The following FBXL17 variants were observed in gnomAD, a reference collection of about 807,000 sequenced individuals.
FBXL17 encodes F-box/LRR-repeat protein 17.
FBXL17 carries 22 observed loss-of-function variants against 66.2 expected under a neutral mutation model. That is an observed-to-expected ratio of 0.33 (90% CI 0.24 to 0.47). The LOEUF (loss-of-function observed/expected upper bound fraction) is 0.47. Ranked by LOEUF, FBXL17 falls within the 20% of genes least tolerant of loss-of-function variation. The pLI, the probability that FBXL17 is intolerant of heterozygous loss-of-function variation, is 1.00. For missense variants in FBXL17, 878 were observed against 948.2 expected, an observed-to-expected ratio of 0.93 and a Z score of 0.97; for synonymous variants, 474 against 400.5, an observed-to-expected ratio of 1.18 and a Z score of -2.19.
intron 4 of FBXL17, among the ~76,000 whole-genome samples, chr5:108,239,854 T>C (rs1356846262): frequency 1.3e-5 from 2 of 151,884 alleles, no homozygotes; most frequent in African/African-American, 2.4e-5. Flanking sequence ...GTCTTGCAAT[T>C]TGAGTACCAG....
chr5:108,171,306 T>C (rs1221786304), intron 6 of FBXL17, among the ~76,000 whole-genome samples: 1 of 152,192 alleles, frequency 6.6e-6, no homozygotes, highest in African/African-American at 2.4e-5. Context: ...ATTTTTAAAT[T>C]CAGAATAAGG....
intron 7 of FBXL17, among the ~76,000 whole-genome samples, chr5:107,961,160 C>T (rs1026064510): frequency 6.6e-6 from 1 of 151,964 alleles, no homozygotes; most frequent in Non-Finnish European, 1.5e-5. Flanking sequence ...ACTTTAGGTG[C>T]TGTCAGCTGC....
chr5:108,354,491 G>A (rs573688086), intron 3 of FBXL17, among the ~76,000 whole-genome samples: 1 of 151,698 alleles, frequency 6.6e-6, no homozygotes, highest in Non-Finnish European at 1.5e-5. Flanking sequence ...AAGAACCACA[G>A]AACAACTACA....
intron 7 of FBXL17, among the ~76,000 whole-genome samples, chr5:107,901,969 C>A (rs1357375442): frequency 2.0e-5 from 3 of 152,156 alleles, no homozygotes; most frequent in Non-Finnish European, 4.4e-5. Context: ...ATCTTGAATT[C>A]TTCAAGAGAG....
At chr5:108,287,638 CA>C (rs1164614196) in intron 4 of FBXL17, among the ~76,000 whole-genome samples, 1 of 151,674 alleles carries the variant, frequency 6.6e-6, no homozygotes, top group Non-Finnish European at 1.5e-5. Flanking sequence ...AGGCTGCAGA[CA>C]AAGGGGAATG....
intron 8 of FBXL17, among the ~76,000 whole-genome samples, chr5:107,862,486 GC>G (rs1188775594): frequency 6.6e-6 from 1 of 152,098 alleles, no homozygotes; most frequent in Non-Finnish European, 1.5e-5. Flanking sequence ...AATCAGACAG[GC>G]CTAATTAAAA....
rs576182199 is a variant in FBXL17, at chr5:108,174,360, A to G, written c.1745+11757T>C. Among the ~76,000 whole-genome samples, 151 of 152,310 alleles carry G rather than the reference A, an allele frequency of 9.9e-4. 1 individual carries two copies. The highest frequency in any genetic ancestry group is 3.5e-3 in the African/African-American group (147 of 41,562). On this transcript the variant is annotated intron_variant, in intron 6 of 8. Coordinates refer to ENST00000542267, the MANE Select transcript of FBXL17 (RefSeq NM_001163315.3). ...ATAGTGACTATTCTAACATTTTTTAATTATATTGCTCACTAATCTTAATTG... is the reference window on the plus strand; with the variant it reads ...ATAGTGACTATTCTAACATTTTTTAGTTATATTGCTCACTAATCTTAATTG...
intron 7 of FBXL17, among the ~76,000 whole-genome samples, chr5:107,953,280 T>G (rs1436589455): frequency 6.6e-6 from 1 of 151,386 alleles, no homozygotes; most frequent in East Asian, 2.0e-4. Context: ...GGCGGGCGCC[T>G]TAGTCCCAGC....
intron 6 of FBXL17, among the ~76,000 whole-genome samples, chr5:108,124,651 A>G (rs1231631002): frequency 1.3e-5 from 2 of 152,086 alleles, no homozygotes; most frequent in South Asian, 2.1e-4. Context: ...ATACCTGTAC[A>G]TTGAAAATAT....
chr5:108,154,616 T>TATAC (rs1554070064), intron 6 of FBXL17, among the ~76,000 whole-genome samples: 10,914 of 96,036 alleles, frequency 0.11, 907 homozygotes, highest in East Asian at 0.21. Flanking sequence ...AATATATATA[T>TATAC]ACACACACAC....
At chr5:108,105,302 A>G (rs2149945535) in intron 6 of FBXL17, among the ~76,000 whole-genome samples, 1 of 152,346 alleles carries the variant, frequency 6.6e-6, no homozygotes, top group East Asian at 1.9e-4. Flanking sequence ...CCAGTGGCAC[A>G]AAGAGGGAAA....
chr5:107,953,510 C>G (rs568093361), intron 7 of FBXL17, among the ~76,000 whole-genome samples: 1 of 150,968 alleles, frequency 6.6e-6, no homozygotes, highest in East Asian at 2.0e-4. Context: ...GTCTCCAAAA[C>G]TCCAGTTATG....
In FBXL17 at chr5:108,317,860, GAATC is replaced by G. The variant is rs375007304; in HGVS notation, c.1506+30535_1506+30538del. 2.7e-3 allele frequency among the ~76,000 whole-genome samples: 403 copies of G among 151,472 alleles called. 3 individuals carry two copies. Among genetic ancestry groups the G allele is most frequent in the African/African-American group, 9.3e-3 (385 of 41,426 alleles). On this transcript the variant is annotated intron_variant, in intron 4 of 8. Transcript: ENST00000542267. ...AAAAGGATTTAAAATCATACATAAT[GAATC>G]AATCATTCACTATGTATCTGCAAAT...
chr5:108,302,635 A>T (rs1287399558), intron 4 of FBXL17, among the ~76,000 whole-genome samples: 1 of 151,790 alleles, frequency 6.6e-6, no homozygotes, highest in Non-Finnish European at 1.5e-5. Flanking sequence ...TAATTTTACT[A>T]TATTTAAATA....
intron 7 of FBXL17, among the ~76,000 whole-genome samples, chr5:107,904,024 G>C (rs1316149151): frequency 6.6e-6 from 1 of 152,092 alleles, no homozygotes; most frequent in Non-Finnish European, 1.5e-5. Flanking sequence ...TTTTGACTTT[G>C]ATATCTGCAT....
intron 8 of FBXL17, among the ~76,000 whole-genome samples, chr5:107,863,848 C>T (rs923439043): frequency 2.0e-5 from 3 of 152,126 alleles, no homozygotes; most frequent in Non-Finnish European, 4.4e-5. Flanking sequence ...CCTAAGCAAC[C>T]CAACCCAGAA....
At chr5:108,373,810 T>C (rs1232288851) in intron 1 of FBXL17, among the ~76,000 whole-genome samples, 1 of 152,028 alleles carries the variant, frequency 6.6e-6, no homozygotes, top group African/African-American at 2.4e-5. Context: ...CTCAGCTACA[T>C]GGGAGGCTGA....
chr5:108,282,902 T>C (rs1174281877), intron 4 of FBXL17, among the ~76,000 whole-genome samples: 1 of 149,968 alleles, frequency 6.7e-6, no homozygotes, highest in Non-Finnish European at 1.5e-5. Context: ...CAATCCCTTT[T>C]ATAATAGCAA....
chr5:108,236,432 G>A, intron 4 of FBXL17, among the ~76,000 whole-genome samples: 1 of 151,636 alleles, frequency 6.6e-6, no homozygotes, highest in East Asian at 2.0e-4. Flanking sequence ...AGAATCACTT[G>A]AGCCTGGGAA....
Sources: allele counts gnomAD v4.1 joint callset (sites outside exome capture counted in the v4.1 genomes callset), GRCh38; gene constraint gnomAD v4.1.1; transcripts MANE v1.5; gene names NCBI Gene and HGNC (gene_info 2026-07-23, HGNC 2026-07-21).